The following KCNIP4 variants were observed in gnomAD, a reference collection of about 807,000 sequenced individuals.
KCNIP4 encodes potassium voltage-gated channel interacting protein 4, also known as Kv channel-interacting protein 4.
Under a neutral mutation model 34.0 loss-of-function variants are expected in KCNIP4, and 12 were observed. That is an observed-to-expected ratio of 0.35 (90% CI 0.23 to 0.57). The LOEUF is 0.57. Among genes scored for constraint, KCNIP4 ranks in the 20% least tolerant of loss-of-function variants. KCNIP4 has a pLI of 0.83. For synonymous variants in KCNIP4, 124 were observed against 102.2 expected, an observed-to-expected ratio of 1.21 and a Z score of -1.29; for missense variants, 238 against 311.7, an observed-to-expected ratio of 0.76 and a Z score of 1.78.
intron 1 of KCNIP4, among the ~76,000 whole-genome samples, chr4:21,441,432 C>T (rs922780092): frequency 3.9e-5 from 6 of 152,074 alleles, no homozygotes; most frequent in South Asian, 2.1e-4. Context: ...CATGAGCCAT[C>T]GCGCCCGGCC....
At chr4:20,887,912 T>C (rs1194837354) in intron 1 of KCNIP4, among the ~76,000 whole-genome samples, 1 of 152,118 alleles carries the variant, frequency 6.6e-6, no homozygotes, top group Non-Finnish European at 1.5e-5. Context: ...ATTACATTTG[T>C]AGATGTAAAA....
chr4:21,925,289 G>T (rs1009477097), intron 1 of KCNIP4, among the ~76,000 whole-genome samples: 5 of 144,768 alleles, frequency 3.5e-5, no homozygotes, highest in Admixed American at 7.1e-5. Flanking sequence ...TGTGTCCATG[G>T]GTTCTCATTG....
intron 1 of KCNIP4, among the ~76,000 whole-genome samples, chr4:21,208,184 A>G (rs1409340205): frequency 6.6e-6 from 1 of 152,106 alleles, no homozygotes; most frequent in Admixed American, 6.6e-5. Flanking sequence ...AGTTTTTTCA[A>G]TGCAATTAAT....
At chr4:21,856,411 C>G (rs1485470823) in intron 1 of KCNIP4, among the ~76,000 whole-genome samples, 1 of 152,226 alleles carries the variant, frequency 6.6e-6, no homozygotes, top group Non-Finnish European at 1.5e-5. Flanking sequence ...CCAGTGGCAG[C>G]CCATCTGGAG....
chr4:21,319,161 G>T (rs979427888), intron 1 of KCNIP4, among the ~76,000 whole-genome samples: 4 of 152,198 alleles, frequency 2.6e-5, no homozygotes, highest in Admixed American at 1.3e-4. Context: ...AAATGGAAAA[G>T]ATAAATCTAA....
chr4:21,065,217 C>A (rs114843526), intron 1 of KCNIP4, among the ~76,000 whole-genome samples: 2,836 of 152,066 alleles, frequency 0.019, 53 homozygotes, highest in Non-Finnish European at 0.025. Flanking sequence ...TTGTGGTGAA[C>A]GTACAAGTGT....
chr4:21,547,412 T>C (rs1417344121), intron 1 of KCNIP4, among the ~76,000 whole-genome samples: 1 of 152,146 alleles, frequency 6.6e-6, no homozygotes. Flanking sequence ...TCTATATATA[T>C]GACACATGCA....
intron 1 of KCNIP4, among the ~76,000 whole-genome samples, chr4:21,607,252 A>C (rs1027703141): frequency 2.6e-5 from 4 of 152,138 alleles, no homozygotes; most frequent in Non-Finnish European, 5.9e-5. Context: ...ACTGTAAACC[A>C]CAGTGAATAA....
intron 1 of KCNIP4, among the ~76,000 whole-genome samples, chr4:21,244,571 T>C (rs1275629097): frequency 6.6e-6 from 1 of 152,184 alleles, no homozygotes; most frequent in East Asian, 1.9e-4. Flanking sequence ...ATGCTAATAC[T>C]ACAGAGAGGA....
intron 1 of KCNIP4, among the ~76,000 whole-genome samples, chr4:21,412,142 T>C (rs1363007588): frequency 1.3e-5 from 2 of 152,160 alleles, no homozygotes; most frequent in Non-Finnish European, 2.9e-5. Context: ...AGAGCCTGGA[T>C]TGGAAACACT....
chr4:21,779,350 G>C (rs184665020), intron 1 of KCNIP4, among the ~76,000 whole-genome samples: 1 of 142,696 alleles, frequency 7.0e-6, no homozygotes, highest in Non-Finnish European at 1.5e-5. Context: ...TATAGTAACT[G>C]TAGCCTGAAG....
intron 1 of KCNIP4, among the ~76,000 whole-genome samples, chr4:21,209,933 A>G (rs1757109933): frequency 6.6e-6 from 1 of 152,204 alleles, no homozygotes; most frequent in Non-Finnish European, 1.5e-5. Context: ...GTTTTTGACT[A>G]TAAACAGAGC....
intron 1 of KCNIP4, among the ~76,000 whole-genome samples, chr4:21,119,213 C>A (rs997173038): frequency 6.6e-6 from 1 of 152,064 alleles, no homozygotes; most frequent in Non-Finnish European, 1.5e-5. Flanking sequence ...GCATTTTGAG[C>A]TGACCAGGAA....
chr4:21,598,745 T>G (rs1279830083), intron 1 of KCNIP4, among the ~76,000 whole-genome samples: 2 of 152,074 alleles, frequency 1.3e-5, no homozygotes, highest in Admixed American at 1.3e-4. Context: ...ATTTGCAAGA[T>G]CTACACATGA....
chr4:20,869,352 T>C (rs886133884), intron 2 of KCNIP4, among the ~76,000 whole-genome samples: 2 of 152,002 alleles, frequency 1.3e-5, no homozygotes, highest in Non-Finnish European at 2.9e-5. Context: ...GGCATAGAAA[T>C]AGACAAAAAA....
chr4:20,829,839 T>C (rs560255395), intron 3 of KCNIP4, among the ~76,000 whole-genome samples: 2 of 152,252 alleles, frequency 1.3e-5, no homozygotes, highest in South Asian at 4.1e-4. Flanking sequence ...TCATCCAGTC[T>C]CACGGAGATA....
At chr4:21,845,666 T>G (rs1723970773) in intron 1 of KCNIP4, 2 of 152,074 alleles carry the variant, frequency 1.3e-5, no homozygotes, top group Admixed American at 1.3e-4. Context: ...ATATCAGTGA[T>G]GCAAGGTGAA....
At chr4:21,395,630 C>G (rs1465940968) in intron 1 of KCNIP4, among the ~76,000 whole-genome samples, 1 of 152,016 alleles carries the variant, frequency 6.6e-6, no homozygotes, top group Non-Finnish European at 1.5e-5. Flanking sequence ...CTCCCTGACA[C>G]ACATAAACCA....
intron 1 of KCNIP4, among the ~76,000 whole-genome samples, chr4:21,281,087 CT>C (rs375309491): frequency 0.034 from 4,574 of 133,078 alleles, 68 homozygotes; most frequent in African/African-American, 0.065. Context: ...ACATTTTCTT[CT>C]TTTTTTTTTT....
Sources: allele counts gnomAD v4.1 joint callset (sites outside exome capture counted in the v4.1 genomes callset), GRCh38; gene constraint gnomAD v4.1.1; transcripts MANE v1.5; gene names NCBI Gene and HGNC (gene_info 2026-07-23, HGNC 2026-07-21).